The following ERBB4 variants were observed in gnomAD, a reference collection of about 807,000 sequenced individuals.
The protein encoded by ERBB4 is erb-b2 receptor tyrosine kinase 4.
A neutral mutation model predicts 158.0 loss-of-function variants in ERBB4; 42 were observed. The observed-to-expected ratio is 0.27, with a 90% CI of 0.21 to 0.34. The LOEUF (loss-of-function observed/expected upper bound fraction) is 0.34, where lower values mean the gene tolerates loss of function less well. Among genes scored for constraint, ERBB4 ranks in the 10% least tolerant of loss-of-function variants. ERBB4 has a pLI of 1.00. For synonymous variants in ERBB4, 583 were observed against 558.7 expected (o/e 1.04, Z -0.61); for missense variants, 1,333 against 1,624.1 (o/e 0.82, Z 3.08).
chr2:211,917,720 C>A (rs1014264903), intron 3 of ERBB4, among the ~76,000 whole-genome samples: 18 of 151,958 alleles, frequency 1.2e-4, no homozygotes, highest in South Asian at 4.2e-4. Flanking sequence ...AGACCAGGAG[C>A]CGTAATAAAG....
At chr2:211,791,410 A>G (rs748500594) in intron 3 of ERBB4, among the ~76,000 whole-genome samples, 2 of 151,898 alleles carry the variant, frequency 1.3e-5, no homozygotes, top group Admixed American at 6.6e-5. Context: ...CCCCACTAAC[A>G]TGAAATAAAG....
At chr2:211,701,715 C>T (rs955648665) in intron 12 of ERBB4, among the ~76,000 whole-genome samples, 5 of 133,924 alleles carry the variant, frequency 3.7e-5, no homozygotes, top group African/African-American at 1.4e-4. Context: ...GAGATCTCGC[C>T]ACTGCACTCT....
At chr2:211,475,606 G>A (rs188810729) in intron 20 of ERBB4, among the ~76,000 whole-genome samples, 26 of 152,060 alleles carry the variant, frequency 1.7e-4, no homozygotes, top group South Asian at 4.1e-4. Context: ...GTATAACCTC[G>A]TTGTTTGTCA....
intron 3 of ERBB4, among the ~76,000 whole-genome samples, chr2:211,918,665 AG>A (rs910031984): frequency 7.9e-5 from 12 of 152,280 alleles, no homozygotes; most frequent in African/African-American, 2.6e-4. Context: ...CTCTGAAGTT[AG>A]ATTTGGCCAA....
Position 211,550,574 on chromosome 2 carries a change from AAT to A in ERBB4, c.2487+11327_2487+11328del, listed in dbSNP as rs376362405. Among the ~76,000 whole-genome samples the A allele has an allele frequency of 3.0e-3, 409 of 136,854 alleles. 4 individuals carry two copies. Among genetic ancestry groups the A allele is most frequent in the African/African-American group, 9.7e-3 (350 of 36,084 alleles). The allele number at this position is 136,854 out of a possible 152,430, so 89.8% of individuals were successfully genotyped here. ...ATAATCTCATGAGCTCATTCCTTAG[AAT>A]ATATATATATATATATATAAATATA... On this transcript the variant is annotated intron_variant, in intron 20 of 27. Coordinates refer to ENST00000342788, the MANE Select transcript of ERBB4 (RefSeq NM_005235.3).
chr2:211,623,689 T>C (rs916543937), intron 18 of ERBB4, among the ~76,000 whole-genome samples: 4 of 152,146 alleles, frequency 2.6e-5, no homozygotes, highest in Non-Finnish European at 5.9e-5. Flanking sequence ...AAAAAAACTA[T>C]ACTTGGCTTT....
intron 1 of ERBB4, among the ~76,000 whole-genome samples, chr2:212,503,825 T>C (rs1691034483): frequency 6.6e-6 from 1 of 152,142 alleles, no homozygotes; most frequent in Admixed American, 6.6e-5. Flanking sequence ...GAAGGTCCTG[T>C]CTTTTGCCAG....
intron 19 of ERBB4, among the ~76,000 whole-genome samples, chr2:211,579,208 G>A (rs1006233455): frequency 1.3e-5 from 2 of 151,848 alleles, no homozygotes; most frequent in East Asian, 1.9e-4. Flanking sequence ...AAAGTTTAAC[G>A]ACACTGAGAT....
chr2:212,435,616 A>C (rs539869430), intron 1 of ERBB4, among the ~76,000 whole-genome samples: 5 of 152,130 alleles, frequency 3.3e-5, no homozygotes, highest in African/African-American at 9.6e-5. Flanking sequence ...GAATAAAAAC[A>C]TTAATAAAGC....
At chr2:212,164,302 AAC>A (rs1491048833) in intron 1 of ERBB4, among the ~76,000 whole-genome samples, 7 of 150,798 alleles carry the variant, frequency 4.6e-5, no homozygotes, top group Non-Finnish European at 7.4e-5. Flanking sequence ...TTTTTAAAAA[AAC>A]AACAAAATAT....
intron 1 of ERBB4, among the ~76,000 whole-genome samples, chr2:212,188,137 C>A (rs974777528): frequency 6.8e-6 from 1 of 147,250 alleles, no homozygotes; most frequent in Non-Finnish European, 1.5e-5. Flanking sequence ...GGTAGCCATC[C>A]ATGTCAAATC....
intron 1 of ERBB4, among the ~76,000 whole-genome samples, chr2:212,281,590 G>T (rs2106150606): frequency 6.6e-6 from 1 of 151,860 alleles, no homozygotes; most frequent in South Asian, 2.1e-4. Flanking sequence ...GTTTCTTTCA[G>T]TTCTTTCCAT....
rs11887436 is a variant in ERBB4, at chr2:211,379,454, C to G, written c.*4161G>C. 0.086 allele frequency: 19,688 copies of G among 229,864 alleles called. 3,722 individuals carry two copies. Among genetic ancestry groups the G allele is most frequent in the African/African-American group, 0.4 (17,986 of 45,138 alleles). 14.2% of individuals were successfully genotyped at this position (229,864 alleles called of 1,614,324 possible). The stretch of plus-strand genomic sequence containing the variant: ...TGTAATGCTTTAAAGCAAGTTTTCC[C>G]AAGTGGAACCATATATGCCTACTTT... On this transcript the variant is annotated 3_prime_UTR_variant, in exon 28 of 28. Transcript: ENST00000342788.
chr2:211,913,408 C>T (rs970652431), intron 3 of ERBB4, among the ~76,000 whole-genome samples: 1 of 151,942 alleles, frequency 6.6e-6, no homozygotes, highest in African/African-American at 2.4e-5. Flanking sequence ...CGAGATCAGC[C>T]TGGCCAAAAT....
intron 1 of ERBB4, among the ~76,000 whole-genome samples, chr2:212,188,194 C>G (rs891383887): frequency 1.5e-4 from 3 of 20,172 alleles, no homozygotes; most frequent in East Asian, 2.9e-3. Context: ...GTCTCTCTCT[C>G]TCTCTCTCTC....
intron 1 of ERBB4, among the ~76,000 whole-genome samples, chr2:212,446,175 G>C (rs1050585995): frequency 6.6e-6 from 1 of 151,980 alleles, no homozygotes; most frequent in Admixed American, 6.6e-5. Flanking sequence ...ATCTGTATGG[G>C]TTCAAGTTGA....
chr2:212,043,155 C>T (rs1305024887), intron 2 of ERBB4, among the ~76,000 whole-genome samples: 2 of 152,100 alleles, frequency 1.3e-5, no homozygotes, highest in East Asian at 1.9e-4. Context: ...ACCTTTGACA[C>T]GATATAGAAA....
intron 16 of ERBB4, among the ~76,000 whole-genome samples, chr2:211,647,851 G>A (rs2070831680): frequency 6.6e-6 from 1 of 151,628 alleles, no homozygotes; most frequent in African/African-American, 2.4e-5. Flanking sequence ...CTCCCTTCTA[G>A]AACATTTTCT....
At chr2:212,311,096 T>C (rs951624834) in intron 1 of ERBB4, among the ~76,000 whole-genome samples, 10 of 150,792 alleles carry the variant, frequency 6.6e-5, no homozygotes, top group African/African-American at 2.2e-4. Context: ...GGACTTTGTT[T>C]ACCTATTTCT....
Sources: allele counts gnomAD v4.1 joint callset (sites outside exome capture counted in the v4.1 genomes callset), GRCh38; gene constraint gnomAD v4.1.1; transcripts MANE v1.5; gene names NCBI Gene and HGNC (gene_info 2026-07-23, HGNC 2026-07-21).